The following GALNT13 variants were observed in gnomAD, a reference collection of about 807,000 sequenced individuals.
GALNT13 encodes the protein polypeptide N-acetylgalactosaminyltransferase 13.
A neutral mutation model predicts 64.2 loss-of-function variants in GALNT13; 28 were observed. That is an observed-to-expected ratio of 0.44 (90% CI 0.32 to 0.60). The LOEUF is 0.60. Ranked by LOEUF, GALNT13 falls within the 20% of genes least tolerant of loss-of-function variation. The pLI is 0.05. For synonymous variants in GALNT13, 214 were observed against 224.6 expected, an observed-to-expected ratio of 0.95 and a Z score of 0.42; for missense variants, 577 against 669.8, an observed-to-expected ratio of 0.86 and a Z score of 1.53.
chr2:153,590,946 T>G, the GALNT13 span, among the ~76,000 whole-genome samples: 1 of 150,992 alleles, frequency 6.6e-6, no homozygotes, highest in Non-Finnish European at 1.5e-5. Flanking sequence ...CTATTCAACA[T>G]TGTACTAGAA....
At chr2:153,719,638 G>A in the GALNT13 span, among the ~76,000 whole-genome samples, 1 of 152,196 alleles carries the variant, frequency 6.6e-6, no homozygotes, top group South Asian at 2.1e-4. Context: ...GCAAGGCATT[G>A]CCTCACCTGG....
At chr2:154,100,864 T>A (rs1299361005) in intron 3 of GALNT13, among the ~76,000 whole-genome samples, 1 of 152,086 alleles carries the variant, frequency 6.6e-6, no homozygotes, top group Non-Finnish European at 1.5e-5. Flanking sequence ...TGCTAATATT[T>A]TGAGGTATTT....
chr2:154,007,384 T>G (rs1696328847), intron 3 of GALNT13, among the ~76,000 whole-genome samples: 1 of 152,034 alleles, frequency 6.6e-6, no homozygotes, highest in African/African-American at 2.4e-5. Context: ...CTGATGGCAT[T>G]GATAAACTGC....
the GALNT13 span, among the ~76,000 whole-genome samples, chr2:153,756,907 C>T: frequency 6.6e-6 from 1 of 151,932 alleles, no homozygotes; most frequent in African/African-American, 2.4e-5. Flanking sequence ...TCTCACCTAA[C>T]CAGTATACAT....
chr2:154,425,101 A>G (rs1371316692), intron 11 of GALNT13, among the ~76,000 whole-genome samples: 1 of 152,186 alleles, frequency 6.6e-6, no homozygotes, highest in Admixed American at 6.5e-5. Context: ...TGTGCCATTT[A>G]GGATATTATA....
chr2:154,178,864 C>A (rs756960670), intron 4 of GALNT13, among the ~76,000 whole-genome samples: 108 of 152,178 alleles, frequency 7.1e-4, no homozygotes, highest in Non-Finnish European at 1.2e-3. Flanking sequence ...ACATCTTTCA[C>A]TGATATTCTA....
At chr2:153,174,890 A>G in the GALNT13 span, among the ~76,000 whole-genome samples, 1 of 149,758 alleles carries the variant, frequency 6.7e-6, no homozygotes, top group Non-Finnish European at 1.5e-5. Flanking sequence ...GCCTTCACCC[A>G]TCACCCAATT....
chr2:153,628,283 G>A, the GALNT13 span, among the ~76,000 whole-genome samples: 6,984 of 151,410 alleles, frequency 0.046, 234 homozygotes, highest in African/African-American at 0.079. Flanking sequence ...CAATCATGTC[G>A]TCTGCAAACA....
At chr2:153,361,388 C>T in the GALNT13 span, among the ~76,000 whole-genome samples, 81 of 152,070 alleles carry the variant, frequency 5.3e-4, no homozygotes, top group East Asian at 9.7e-4. Context: ...GACAGAAGTA[C>T]GCTTCAGAAG....
At chr2:153,123,812 T>A in the GALNT13 span, among the ~76,000 whole-genome samples, 44 of 152,324 alleles carry the variant, frequency 2.9e-4, no homozygotes, top group African/African-American at 1.1e-3. Flanking sequence ...AGAAAAAGAT[T>A]GTTCAAAGTG....
At chr2:153,479,949 C>G in the GALNT13 span, among the ~76,000 whole-genome samples, 7 of 152,150 alleles carry the variant, frequency 4.6e-5, no homozygotes, top group Non-Finnish European at 8.8e-5. Flanking sequence ...CTGCCTTCCT[C>G]CCTCTTTCTT....
the GALNT13 span, among the ~76,000 whole-genome samples, chr2:153,112,295 T>A: frequency 6.6e-6 from 1 of 152,144 alleles, no homozygotes; most frequent in Non-Finnish European, 1.5e-5. Flanking sequence ...GCTCTACTCA[T>A]CCTAATGAAG....
At chr2:153,794,829 T>G in the GALNT13 span, among the ~76,000 whole-genome samples, 1 of 152,160 alleles carries the variant, frequency 6.6e-6, no homozygotes, top group African/African-American at 2.4e-5. Flanking sequence ...TGGATAACTT[T>G]TTCTTAATGT....
chr2:154,320,113 A>G (rs1479794093), intron 9 of GALNT13, among the ~76,000 whole-genome samples: 1 of 152,116 alleles, frequency 6.6e-6, no homozygotes, highest in African/African-American at 2.4e-5. Flanking sequence ...AAAAATGGAC[A>G]TTTTTAAGGG....
At chr2:154,174,834 C>A (rs1160145715) in intron 4 of GALNT13, among the ~76,000 whole-genome samples, 1 of 152,064 alleles carries the variant, frequency 6.6e-6, no homozygotes, top group Non-Finnish European at 1.5e-5. Context: ...AGAATATTAT[C>A]ACGTTTTTCT....
chr2:153,645,810 TA>T, the GALNT13 span, among the ~76,000 whole-genome samples: 2 of 152,074 alleles, frequency 1.3e-5, no homozygotes, highest in African/African-American at 4.8e-5. Context: ...TGCAATTTTT[TA>T]TTTCCCAGCC....
At chr2:153,566,243 A>G in the GALNT13 span, among the ~76,000 whole-genome samples, 7 of 151,920 alleles carry the variant, frequency 4.6e-5, no homozygotes, top group Non-Finnish European at 1.0e-4. Context: ...GTAAAGTAAG[A>G]CTCAGCTGGT....
chr2:153,371,451 C>T, the GALNT13 span, among the ~76,000 whole-genome samples: 1 of 152,038 alleles, frequency 6.6e-6, no homozygotes, highest in Non-Finnish European at 1.5e-5. Context: ...AAGTTTATAG[C>T]ACTAAGAAAA....
At chr2:154,134,163 C>A (rs1339694599) in intron 3 of GALNT13, among the ~76,000 whole-genome samples, 2 of 152,084 alleles carry the variant, frequency 1.3e-5, no homozygotes, top group East Asian at 3.9e-4. Flanking sequence ...CCAAGAGGAA[C>A]AACAACTACA....
Sources: gnomAD v4.1 joint callset for allele counts (sites outside exome capture counted in the v4.1 genomes callset) on GRCh38, gnomAD v4.1.1 for gene constraint, MANE v1.5 for transcripts, NCBI Gene and HGNC (gene_info 2026-07-23, HGNC 2026-07-21) for gene names.